The following CDC42BPA variants were observed in gnomAD, a reference collection of about 807,000 sequenced individuals.
CDC42BPA encodes serine/threonine-protein kinase MRCK alpha.
In CDC42BPA, 80 loss-of-function variants were observed where a neutral mutation model predicts 223.5. The ratio of observed to expected loss-of-function variants is 0.36; its 90% CI spans 0.30 to 0.43. CDC42BPA has a LOEUF of 0.43. CDC42BPA is among the 20% of genes least tolerant of loss of function. The pLI, the probability that CDC42BPA is intolerant of heterozygous loss-of-function variation, is 1.00. For synonymous variants in CDC42BPA, 694 were observed against 718.6 expected, an observed-to-expected ratio of 0.97 and a Z score of 0.55; for missense variants, 1,743 against 2,099.9, an observed-to-expected ratio of 0.83 and a Z score of 3.32.
intron 10 of CDC42BPA, among the ~76,000 whole-genome samples, chr1:227,138,023 AG>A (rs1391904443): frequency 6.9e-6 from 1 of 144,500 alleles, no homozygotes; most frequent in Non-Finnish European, 1.5e-5. Flanking sequence ...GTATCACCAC[AG>A]GAAAAAAAAG....
At chr1:227,242,928 G>A (rs950268038) in intron 2 of CDC42BPA, among the ~76,000 whole-genome samples, 5 of 152,138 alleles carry the variant, frequency 3.3e-5, no homozygotes, top group African/African-American at 1.2e-4. Flanking sequence ...CAACCTAAAT[G>A]CCCAGAATGG....
At chr1:227,159,293 C>G (rs531758519) in intron 6 of CDC42BPA, among the ~76,000 whole-genome samples, 350 of 152,176 alleles carry the variant, frequency 2.3e-3, no homozygotes, top group African/African-American at 8.0e-3. Flanking sequence ...TTGAGACCAG[C>G]CTGACCAACA....
intron 5 of CDC42BPA, among the ~76,000 whole-genome samples, chr1:227,188,410 GA>G (rs1669183376): frequency 3.6e-5 from 1 of 27,842 alleles, no homozygotes; most frequent in Non-Finnish European, 9.9e-5. Context: ...AAAAGAGAGA[GA>G]GGGAAAAAAA....
In CDC42BPA at chr1:226,991,790, T is replaced by A. The variant is rs1447669588; in HGVS notation, c.*2478A>T. 7.3e-6 allele frequency: 1 copy of A among 137,804 alleles called. No homozygotes were observed. Among genetic ancestry groups the A allele is most frequent in the Non-Finnish European group, 1.7e-5 (1 of 60,432 alleles). The allele number at this position is 137,804 out of a possible 1,614,324, so 8.5% of individuals were successfully genotyped here. A position where few individuals can be genotyped will look rare whatever the true frequency, so the allele number is the denominator to read the frequency against. On this transcript the variant is annotated 3_prime_UTR_variant, in exon 37 of 37. Transcript: ENST00000366766. ...GGTTATTATTTTGATCTTAAAAGCA[T>A]CCTTTGCAAAATAAGCACCTATAAG... is the stretch of plus-strand genomic sequence containing the variant.
chr1:227,023,510 T>G (rs1667743036), intron 31 of CDC42BPA, among the ~76,000 whole-genome samples, 163 bp from the exon 32 acceptor site: 1 of 152,210 alleles, frequency 6.6e-6, no homozygotes, highest in African/African-American at 2.4e-5. Flanking sequence ...TGGAAAGGTA[T>G]AATACTATCT....
chr1:227,309,284 T>C (rs1333922624), intron 1 of CDC42BPA, among the ~76,000 whole-genome samples: 2 of 151,956 alleles, frequency 1.3e-5, no homozygotes, highest in African/African-American at 4.8e-5. Context: ...TGAAACTAGA[T>C]TGTCCTCTAT....
At chr1:227,059,795 G>A (rs1336076165) in intron 21 of CDC42BPA, among the ~76,000 whole-genome samples, 4 of 152,064 alleles carry the variant, frequency 2.6e-5, no homozygotes, top group Non-Finnish European at 5.9e-5. Context: ...CTAGCCTGGC[G>A]TTAGACATTT....
At chr1:227,308,596 T>C (rs1351128425) in intron 1 of CDC42BPA, among the ~76,000 whole-genome samples, 1 of 151,762 alleles carries the variant, frequency 6.6e-6, no homozygotes, top group Non-Finnish European at 1.5e-5. Context: ...CTAAACCAAC[T>C]TTTAACTTTT....
intron 1 of CDC42BPA, among the ~76,000 whole-genome samples, chr1:227,276,113 T>C (rs1328253501): frequency 2.7e-5 from 4 of 148,836 alleles, no homozygotes; most frequent in African/African-American, 7.5e-5. Context: ...GTCTGGGAAG[T>C]GAGGAGCGCC....
chr1:227,069,803 G>T lies in CDC42BPA; in HGVS notation c.2878C>A (p.Pro960Thr). 6.2e-7 allele frequency: 1 copy of T among 1,610,922 alleles called. No individual in the cohort carries two copies. The highest frequency in any genetic ancestry group is 8.5e-7 in the Non-Finnish European group (1 of 1,177,570). The change falls in exon 21 of 37, where the codon CCT (proline) becomes ACT (threonine). Residue 960 changes from proline (P) to threonine (T), a missense_variant. This residue lies in a region of CDC42BPA where 678 missense variants were observed against 777.5 expected (regional missense o/e 0.87). Transcript: ENST00000366766. The stretch of plus-strand genomic sequence containing the variant: ...TCAAATTGATCCAGAGCATCGGTAG[G>T]CGTATTCAAAAATGCCAAGAAAGAA... ...QHSFLAFLNT[P>T]TDALDQFETD...
intron 12 of CDC42BPA, among the ~76,000 whole-genome samples, chr1:227,114,017 C>CA (rs374913161): frequency 0.011 from 1,340 of 120,342 alleles, 73 homozygotes; most frequent in African/African-American, 0.041. Context: ...GACTCCAACT[C>CA]AAAAAAAAAG....
intron 15 of CDC42BPA, among the ~76,000 whole-genome samples, chr1:227,100,445 T>A (rs1290903480): frequency 6.6e-6 from 1 of 152,168 alleles, no homozygotes; most frequent in Non-Finnish European, 1.5e-5. Context: ...ACCACTCTCA[T>A]CTATTTATGT....
chr1:227,081,886 G>A (rs1436206437), intron 16 of CDC42BPA, among the ~76,000 whole-genome samples: 4 of 152,042 alleles, frequency 2.6e-5, no homozygotes, highest in Non-Finnish European at 5.9e-5. Context: ...ATATAACCAC[G>A]ATAGCATCAT....
At chr1:227,023,507 G>A (rs75057538) in intron 31 of CDC42BPA, among the ~76,000 whole-genome samples, 160 bp from the exon 32 acceptor site, 375 of 152,234 alleles carry the variant, frequency 2.5e-3, no homozygotes, top group Non-Finnish European at 3.9e-3. Flanking sequence ...GACTGGAAAG[G>A]TATAATACTA....
At chr1:227,083,403 T>C (rs111774646) in intron 16 of CDC42BPA, among the ~76,000 whole-genome samples, 3 of 152,222 alleles carry the variant, frequency 2.0e-5, no homozygotes. Context: ...CAGTTTTGTA[T>C]AGATTCCAGT....
chr1:227,278,499 G>A (rs951224254), intron 1 of CDC42BPA, among the ~76,000 whole-genome samples: 17 of 152,174 alleles, frequency 1.1e-4, no homozygotes, highest in African/African-American at 3.6e-4. Flanking sequence ...GAACCCCAAT[G>A]TTCTGGGATT....
Position 227,026,130 on chromosome 1 carries a change from C to G in CDC42BPA, c.4455G>C (p.Ser1485=), listed in dbSNP as rs142853761. ...TATCAACTGCATTTTCACTGTACAC[C>G]GAGAGATATGGTGCATTGTAACCTG... ...SSCCYNAPYL[S]VYSENAVDIF... The change falls in exon 31 of 37, where the codon TCG becomes TCC. Residue 1485 remains serine, a synonymous_variant. Coordinates refer to ENST00000366766, the MANE Select transcript of CDC42BPA (RefSeq NM_001394014.1). The G allele has an allele frequency of 3.7e-6, 6 of 1,604,246 alleles. No individual in the cohort carries two copies. The highest frequency in any genetic ancestry group is 1.1e-5 in the South Asian group (1 of 90,268).
intron 14 of CDC42BPA, 44 bp downstream of exon 14, chr1:227,112,268 G>T: frequency 1.7e-6 from 2 of 1,191,346 alleles, no homozygotes; most frequent in Non-Finnish European, 2.4e-6. Flanking sequence ...AGCCTAAAGA[G>T]AAGAAAATCA....
At chr1:227,212,880 T>C (rs1674178979) in intron 3 of CDC42BPA, among the ~76,000 whole-genome samples, 1 of 152,118 alleles carries the variant, frequency 6.6e-6, no homozygotes, top group African/African-American at 2.4e-5. Context: ...TTTGCAGACA[T>C]CCTTTAAATA....
Sources: allele counts gnomAD v4.1 joint callset (sites outside exome capture counted in the v4.1 genomes callset), GRCh38; gene constraint gnomAD v4.1.1; regional missense constraint gnomAD v4.1.1; transcripts MANE v1.5; gene names NCBI Gene and HGNC (gene_info 2026-07-23, HGNC 2026-07-21).